The following CFAP47 variants were observed in gnomAD, a reference collection of about 807,000 sequenced individuals.
CFAP47 encodes the protein cilia- and flagella-associated protein 47.
A neutral mutation model predicts 148.1 loss-of-function variants in CFAP47; 29 were observed. That is an observed-to-expected ratio of 0.20 (90% confidence interval 0.15 to 0.27). CFAP47 has a LOEUF of 0.27. Ranked by LOEUF, CFAP47 falls within the 10% of genes least tolerant of loss-of-function variation. The probability of loss-of-function intolerance (pLI) is 1.00; values close to 1 mark genes in which losing one functional copy is unlikely to be tolerated. For missense variants in CFAP47, 1,872 were observed against 1,697.5 expected, an observed-to-expected ratio of 1.10 and a Z score of -1.81; for synonymous variants, 664 against 577.3, an observed-to-expected ratio of 1.15 and a Z score of -2.15.
Position 35,982,123 on chromosome X carries a change from C to T in CFAP47, c.2713+6210C>T, listed in dbSNP as rs755052723. Among the ~76,000 whole-genome samples the T allele has an allele frequency of 2.7e-5, 3 of 111,889 alleles. No homozygotes were observed. In the South Asian group the frequency reaches 1.1e-3, roughly 41 times the overall value. ...TCCACAGTGGCTGAACTAATTTAAA[C>T]TCCAACCAGCAGTGCATAAGTGTTC... On this transcript the variant is annotated intron_variant, in intron 15 of 63. Coordinates refer to ENST00000378653, the MANE Select transcript of CFAP47 (RefSeq NM_001304548.2).
intron 58 of CFAP47, among the ~76,000 whole-genome samples, chrX:36,349,153 A>G (rs1284570993): frequency 8.9e-6 from 1 of 112,100 alleles, no homozygotes; most frequent in Non-Finnish European, 1.9e-5. Flanking sequence ...TAAGGATGGG[A>G]TCTTATTCTT....
At chrX:35,922,094 C>T (rs1261221568) in intron 1 of CFAP47, among the ~76,000 whole-genome samples, 1 of 110,602 alleles carries the variant, frequency 9.0e-6, no homozygotes. Flanking sequence ...GCTTGTGTGG[C>T]CTCTGGTCTG....
At position 36,058,133 on chromosome X, in the gene CFAP47, A is replaced by G. The variant is rs902120438; in HGVS notation, c.4218-7510A>G. Among the ~76,000 whole-genome samples, 24 of 112,045 alleles carry G rather than the reference A, an allele frequency of 2.1e-4. No individual in the cohort carries two copies. In the Admixed American group the frequency reaches 2.3e-3, roughly 11 times the overall value. ...ATTAGCATGATTTATTTTCTGCTAC[A>G]TTCAAACTGAAGAGCTGTGATCTCA... On this transcript the variant is annotated intron_variant, in intron 26 of 63. Transcript: ENST00000378653.
At chrX:35,954,750 T>G (rs1055438410) in intron 7 of CFAP47, among the ~76,000 whole-genome samples, 2 of 112,300 alleles carry the variant, frequency 1.8e-5, no homozygotes, top group African/African-American at 6.5e-5. Context: ...TCCCAAAAAC[T>G]TCATGTTTAT....
At chrX:36,192,413 C>T (rs1218403145) in intron 42 of CFAP47, among the ~76,000 whole-genome samples, 5 of 111,523 alleles carry the variant, frequency 4.5e-5, no homozygotes, top group African/African-American at 1.3e-4. Flanking sequence ...AGCACACAGA[C>T]GTTGCAAAAC....
chrX:36,005,432 T>C (rs1032778738), intron 21 of CFAP47, among the ~76,000 whole-genome samples: 4 of 112,421 alleles, frequency 3.6e-5, no homozygotes, highest in African/African-American at 1.3e-4. Flanking sequence ...AATTTATTTT[T>C]CACCTATTAG....
chrX:36,297,571 G>T (rs944775919), intron 51 of CFAP47, among the ~76,000 whole-genome samples: 11 of 111,542 alleles, frequency 9.9e-5, no homozygotes, highest in African/African-American at 3.6e-4. Flanking sequence ...TGGAGATCAT[G>T]GCTGAAATGG....
chrX:36,116,341 T>G (rs917821370), intron 33 of CFAP47, among the ~76,000 whole-genome samples: 18 of 112,415 alleles, frequency 1.6e-4, no homozygotes, highest in Non-Finnish European at 3.8e-5. Flanking sequence ...CTAAGTTAGT[T>G]CACTTAGCAT....
intron 33 of CFAP47, among the ~76,000 whole-genome samples, chrX:36,137,692 A>G (rs1201324689): frequency 9.0e-6 from 1 of 110,999 alleles, no homozygotes; most frequent in Non-Finnish European, 1.9e-5. Context: ...TTGAATTTCT[A>G]TTCCATTATT....
intron 49 of CFAP47, among the ~76,000 whole-genome samples, chrX:36,279,375 C>T (rs1556003209): frequency 8.9e-6 from 1 of 112,142 alleles, no homozygotes; most frequent in African/African-American, 3.2e-5. Flanking sequence ...GTTTGTTACT[C>T]TCAAGTAAAA....
intron 8 of CFAP47, among the ~76,000 whole-genome samples, chrX:35,964,774 C>T (rs1022751263): frequency 2.7e-5 from 3 of 111,345 alleles, no homozygotes; most frequent in African/African-American, 6.5e-5. Context: ...ATTTTAGTTA[C>T]GTTACTCTTC....
chrX:36,028,746 G>A (rs768535191), intron 22 of CFAP47, among the ~76,000 whole-genome samples: 1 of 111,340 alleles, frequency 9.0e-6, no homozygotes, highest in African/African-American at 3.2e-5. Flanking sequence ...AATCTCAGAG[G>A]TTTTTAGTAG....
intron 2 of CFAP47, among the ~76,000 whole-genome samples, chrX:35,927,342 C>T (rs1261720604): frequency 9.0e-6 from 1 of 111,286 alleles, no homozygotes; most frequent in Non-Finnish European, 1.9e-5. Context: ...ATATTTAATT[C>T]GTGTTTTGCA....
chrX:35,994,945 A>G (rs1358100199), intron 18 of CFAP47, among the ~76,000 whole-genome samples: 1 of 111,831 alleles, frequency 8.9e-6, no homozygotes, highest in Non-Finnish European at 1.9e-5. Flanking sequence ...AAACAACTCA[A>G]TAAATAATTA....
chrX:36,284,476 A>G (rs1941111502), intron 50 of CFAP47, among the ~76,000 whole-genome samples: 2 of 111,794 alleles, frequency 1.8e-5, no homozygotes, highest in Admixed American at 1.9e-4. Context: ...AAATAGTACA[A>G]TACAGTATGG....
intron 27 of CFAP47, among the ~76,000 whole-genome samples, chrX:36,069,666 G>A (rs1392488598): frequency 9.0e-6 from 1 of 110,821 alleles, no homozygotes; most frequent in African/African-American, 3.3e-5. Flanking sequence ...CAGAAGTTCT[G>A]AGTTAGATGC....
intron 3 of CFAP47, among the ~76,000 whole-genome samples, chrX:35,942,212 A>G (rs774163286): frequency 9.0e-6 from 1 of 111,674 alleles, no homozygotes; most frequent in Admixed American, 9.6e-5. Context: ...GGGTATTTCT[A>G]TCTGAGACTG....
At chrX:36,151,295 T>C (rs1384994820) in intron 37 of CFAP47, among the ~76,000 whole-genome samples, 1 of 112,212 alleles carries the variant, frequency 8.9e-6, no homozygotes, top group African/African-American at 3.2e-5. Flanking sequence ...GTTAGTTCGT[T>C]TCTTTCCAGT....
At chrX:36,347,688 C>A (rs1343578121) in intron 57 of CFAP47, among the ~76,000 whole-genome samples, 1 of 111,101 alleles carries the variant, frequency 9.0e-6, no homozygotes, top group East Asian at 2.8e-4. Flanking sequence ...GGTCAGAAAA[C>A]CAAACACTGC....
Sources: allele counts gnomAD v4.1 joint callset (sites outside exome capture counted in the v4.1 genomes callset), GRCh38; gene constraint gnomAD v4.1.1; transcripts MANE v1.5; gene names NCBI Gene and HGNC (gene_info 2026-07-23, HGNC 2026-07-21).